BABAM2: variants seen among roughly 807,000 people sequenced by gnomAD.
The protein encoded by BABAM2 is BRISC and BRCA1-A complex member 2.
A neutral mutation model predicts 54.7 loss-of-function variants in BABAM2; 31 were observed. That is an observed-to-expected ratio of 0.57 (90% CI 0.43 to 0.77). The LOEUF (loss-of-function observed/expected upper bound fraction) is 0.77. BABAM2 is among the 30% of genes least tolerant of loss of function. The pLI, the probability that BABAM2 is intolerant of heterozygous loss-of-function variation, is 0.00. For missense variants in BABAM2, 364 were observed against 455.8 expected (o/e 0.80, Z 1.83); for synonymous variants, 167 against 162.9 (o/e 1.03, Z -0.19).
intron 10 of BABAM2, among the ~76,000 whole-genome samples, chr2:28,278,142 T>G (rs1272452343): frequency 6.6e-6 from 1 of 152,194 alleles, no homozygotes; most frequent in Non-Finnish European, 1.5e-5. Context: ...AGGAAAGAAA[T>G]GCACCTAGTT....
chr2:28,172,779 G>A (rs1269005768), intron 7 of BABAM2, among the ~76,000 whole-genome samples: 3 of 152,240 alleles, frequency 2.0e-5, no homozygotes, highest in East Asian at 1.9e-4. Flanking sequence ...TATGCTTTCC[G>A]GGAGTTTACA....
At chr2:28,295,805 G>A (rs180714651) in intron 10 of BABAM2, among the ~76,000 whole-genome samples, 49 of 151,718 alleles carry the variant, frequency 3.2e-4, no homozygotes, top group Non-Finnish European at 4.6e-4. Flanking sequence ...CCACGAATAG[G>A]CCTTTTTAAA....
rs149633168 is a variant in BABAM2 at position 28,258,416 on chromosome 2, T to C, written c.934+13554T>C. On this transcript the variant is annotated intron_variant, in intron 10 of 11. Transcript: ENST00000379624. ...CTGACAGTGTGTGAGAGTTTAATTTTTCCCCATTCTTTCCAACTCTTGATA... is the reference window on the plus strand; with the variant it reads ...CTGACAGTGTGTGAGAGTTTAATTTCTCCCCATTCTTTCCAACTCTTGATA... Among the ~76,000 whole-genome samples the C allele has an allele frequency of 8.5e-5, 13 of 152,222 alleles. No homozygotes were observed. In the South Asian group the frequency reaches 1.0e-3, roughly 12 times the overall value.
At chr2:28,259,511 T>C (rs1309083257) in intron 10 of BABAM2, among the ~76,000 whole-genome samples, 2 of 152,180 alleles carry the variant, frequency 1.3e-5, no homozygotes, top group Admixed American at 6.5e-5. Flanking sequence ...ATACAAACCC[T>C]TTGTCAGTTC....
intron 10 of BABAM2, among the ~76,000 whole-genome samples, chr2:28,249,994 A>G (rs945809924): frequency 1.2e-4 from 18 of 152,226 alleles, no homozygotes; most frequent in Non-Finnish European, 2.5e-4. Context: ...AACTTAACAA[A>G]TATATACATT....
intron 7 of BABAM2, among the ~76,000 whole-genome samples, chr2:28,141,366 G>A (rs1254577141): frequency 6.6e-6 from 1 of 152,106 alleles, no homozygotes; most frequent in East Asian, 1.9e-4. Flanking sequence ...GATATATAAT[G>A]GATGATCATT....
Position 28,129,371 on chromosome 2 carries a change from G to A in BABAM2, c.671G>A (p.Arg224Gln), listed in dbSNP as rs773629059. 14 of 1,612,010 alleles carry A rather than the reference G, an allele frequency of 8.7e-6. No individual in the cohort carries two copies. Among genetic ancestry groups the A allele is most frequent in the African/African-American group, 2.7e-5 (2 of 74,888 alleles). Reference protein sequence around the residue: ...QVYPKLYLSPRIEHALGGSSA... With the variant: ...QVYPKLYLSPQIEHALGGSSA... ...TACCCCAAGCTGTACTTGTCACCTC[G>A]AATTGAGCAGTAAGTGTCATTAACA... Residue 224 changes from arginine to glutamine, a missense_variant, in exon 7 of 12, where the codon CGA becomes CAA. Arg to Gln is a conservative substitution (Grantham distance 43, BLOSUM62 1). Transcript: ENST00000379624.
At chr2:28,036,314 G>A (rs111481880) in intron 5 of BABAM2, among the ~76,000 whole-genome samples, 21 of 152,198 alleles carry the variant, frequency 1.4e-4, no homozygotes, top group African/African-American at 4.1e-4. Flanking sequence ...AATTGTTTTC[G>A]GAAATGTACA....
At chr2:28,184,259 C>CCCCCCTCT (rs1558415575) in intron 7 of BABAM2, among the ~76,000 whole-genome samples, 1 of 37,662 alleles carries the variant, frequency 2.7e-5, no homozygotes, top group Non-Finnish European at 5.5e-5. Context: ...TCCCTCCCTC[C>CCCCCCTCT]CTCCCTCTCT....
At chr2:27,952,815 A>C (rs1384201097) in intron 3 of BABAM2, among the ~76,000 whole-genome samples, 1 of 152,214 alleles carries the variant, frequency 6.6e-6, no homozygotes, top group Non-Finnish European at 1.5e-5. Context: ...GAAATTAAAA[A>C]GCAAGACTTC....
intron 4 of BABAM2, among the ~76,000 whole-genome samples, chr2:27,989,860 G>GT (rs1256873139): frequency 1.3e-5 from 2 of 152,160 alleles, no homozygotes; most frequent in East Asian, 3.9e-4. Context: ...CAAGTATTGT[G>GT]TAAGTGTAGA....
At chr2:28,048,984 T>G (rs557449407) in intron 6 of BABAM2, among the ~76,000 whole-genome samples, 2 of 152,304 alleles carry the variant, frequency 1.3e-5, no homozygotes, top group African/African-American at 4.8e-5. Context: ...TGTTTTTGTT[T>G]TTGCTTCTGT....
intron 2 of BABAM2, among the ~76,000 whole-genome samples, chr2:27,928,033 G>A (rs919470837): frequency 6.6e-6 from 1 of 151,382 alleles, no homozygotes; most frequent in African/African-American, 2.4e-5. Context: ...TATTTTTTGA[G>A]ATGGAGTCTT....
intron 5 of BABAM2, among the ~76,000 whole-genome samples, chr2:28,026,989 A>AATATATATATAAATATATATATAT (rs1558668333): frequency 1.9e-4 from 21 of 109,992 alleles, no homozygotes; most frequent in Non-Finnish European, 3.3e-4. Flanking sequence ...AATATATATA[A>AATATATATATAAATATATATATAT]AAATATATAA....
chr2:27,890,285 C>T, upstream of BABAM2: 1 of 1,613,876 alleles, frequency 6.2e-7, no homozygotes, highest in Non-Finnish European at 8.5e-7. This position sits in a 1 kb window ranked among gnomAD's most constrained non-coding sequence, Gnocchi z 4.8. Context: ...CAGGAGCCCA[C>T]CACTACCACC....
At chr2:28,237,177 G>A (rs1681991843) in intron 7 of BABAM2, 25 bp from the exon 8 acceptor site, 1 of 1,592,736 alleles carries the variant, frequency 6.3e-7, no homozygotes, top group Non-Finnish European at 8.6e-7. Context: ...TAAGAGAAGT[G>A]TCCATTGTAC....
At chr2:28,158,910 C>T (rs1277302455) in intron 7 of BABAM2, among the ~76,000 whole-genome samples, 1 of 152,182 alleles carries the variant, frequency 6.6e-6, no homozygotes, top group Non-Finnish European at 1.5e-5. Context: ...CTGAAGTTAT[C>T]GCCAGTGGTT....
rs185538297 is a variant in BABAM2 at position 28,125,483 on chromosome 2, G to T, written c.571-3788G>T. Among the ~76,000 whole-genome samples, 464 of 152,044 alleles carry T rather than the reference G, an allele frequency of 3.1e-3. 1 individual carries two copies. The highest frequency in any genetic ancestry group is 9.9e-3 in the African/African-American group (411 of 41,462). ...TAATTTTTGTATTTTTAGTAGAGAT[G>T]GGGTTTACCGTGTTGGCCAGGCTGG... is the stretch of plus-strand genomic sequence containing the variant. On this transcript the variant is annotated intron_variant, in intron 6 of 11. Transcript: ENST00000379624.
chr2:27,894,814 G>T, intron 2 of BABAM2, 130 bp downstream of exon 2: 1 of 1,037,998 alleles, frequency 9.6e-7, no homozygotes. Flanking sequence ...CTCATCATAT[G>T]TTGATTCAGT....
Sources: gnomAD v4.1 joint callset for allele counts (sites outside exome capture counted in the v4.1 genomes callset) on GRCh38, gnomAD v4.1.1 for gene constraint, Gnocchi (gnomAD v3.1) non-coding constraint, MANE v1.5 for transcripts, NCBI Gene and HGNC (gene_info 2026-07-23, HGNC 2026-07-21) for gene names.